The following CCDC149 variants were observed in gnomAD, a reference collection of about 807,000 sequenced individuals.
CCDC149 encodes coiled-coil domain containing 149.
Under a neutral mutation model 59.9 loss-of-function variants are expected in CCDC149, and 45 were observed. The observed-to-expected ratio is 0.75, with a 90% CI of 0.59 to 0.96. The LOEUF (loss-of-function observed/expected upper bound fraction) is 0.96. Ranked by LOEUF, CCDC149 falls within the 40% of genes least tolerant of loss-of-function variation. The probability of loss-of-function intolerance (pLI) is 0.00; values close to 1 mark genes in which losing one functional copy is unlikely to be tolerated. For synonymous variants in CCDC149, 245 were observed against 260.6 expected (o/e 0.94, Z 0.58); for missense variants, 584 against 664.7 (o/e 0.88, Z 1.33).
rs1264474368 is a variant in CCDC149, at chr4:24,807,833, A to T, written c.*556T>A. On this transcript the variant is annotated 3_prime_UTR_variant, in exon 13 of 13. Transcript: ENST00000635206. ...TCCAACTGCCAGTCTGTACCACGAC[A>T]GCAGTGCTGTGGGCACAATGCCAAG... 1 of 152,306 alleles carries T rather than the reference A, an allele frequency of 6.6e-6. No homozygotes were observed. Among genetic ancestry groups the T allele is most frequent in the Non-Finnish European group, 1.5e-5 (1 of 68,094 alleles). The allele number at this position is 152,306 out of a possible 1,614,324, so 9.4% of individuals were successfully genotyped here.
At chr4:24,899,749 AAAG>A (rs1181600741) in intron 1 of CCDC149, among the ~76,000 whole-genome samples, 1 of 152,124 alleles carries the variant, frequency 6.6e-6, no homozygotes, top group Non-Finnish European at 1.5e-5. Context: ...ACTTCTACTC[AAAG>A]GAGACTATTG....
chr4:24,820,349 A>C (rs1715312164), intron 11 of CCDC149, among the ~76,000 whole-genome samples: 2 of 152,142 alleles, frequency 1.3e-5, no homozygotes, highest in South Asian at 4.1e-4. Flanking sequence ...CAGTGCTCAA[A>C]AGGGTACCAA....
At chr4:24,878,281 G>A (rs927424224) in intron 1 of CCDC149, among the ~76,000 whole-genome samples, 9 of 150,636 alleles carry the variant, frequency 6.0e-5, no homozygotes, top group Admixed American at 2.0e-4. Context: ...GAAAGAAAAG[G>A]CATTCTGAGA....
intron 3 of CCDC149, among the ~76,000 whole-genome samples, chr4:24,859,874 T>A (rs1718265280): frequency 6.6e-6 from 1 of 152,144 alleles, no homozygotes; most frequent in Non-Finnish European, 1.5e-5. Context: ...TACTTTGAAA[T>A]ATGCCGAACC....
intron 1 of CCDC149, among the ~76,000 whole-genome samples, chr4:24,946,618 A>G (rs569826889): frequency 6.6e-6 from 1 of 152,204 alleles, no homozygotes; most frequent in African/African-American, 2.4e-5. Context: ...TGAGAAAATA[A>G]AATGTTGATT....
At chr4:24,868,929 T>C (rs994309235) in intron 3 of CCDC149, among the ~76,000 whole-genome samples, 4 of 152,208 alleles carry the variant, frequency 2.6e-5, no homozygotes, top group African/African-American at 9.6e-5. Flanking sequence ...ATTTTCTCCT[T>C]TATCAGATGG....
intron 4 of CCDC149, among the ~76,000 whole-genome samples, chr4:24,843,235 G>C (rs1717047851): frequency 6.6e-6 from 1 of 152,218 alleles, no homozygotes; most frequent in African/African-American, 2.4e-5. Flanking sequence ...ATTTGCCAGA[G>C]CTATCGAGAG....
chr4:24,903,868 T>C (rs1721322988), intron 1 of CCDC149, among the ~76,000 whole-genome samples: 1 of 151,580 alleles, frequency 6.6e-6, no homozygotes, highest in Non-Finnish European at 1.5e-5. Flanking sequence ...TGGCACGGTC[T>C]GGGCTCACTG....
At chr4:24,870,262 G>A (rs555850246) in intron 3 of CCDC149, among the ~76,000 whole-genome samples, 1 of 152,260 alleles carries the variant, frequency 6.6e-6, no homozygotes, top group South Asian at 2.1e-4. Context: ...AATGTACCGG[G>A]TGCCCTGTAT....
At chr4:24,841,271 A>T (rs1716918619) in intron 4 of CCDC149, among the ~76,000 whole-genome samples, 1 of 152,252 alleles carries the variant, frequency 6.6e-6, no homozygotes, top group Non-Finnish European at 1.5e-5. Context: ...ACTTTAAGTT[A>T]TAAAACACTG....
At chr4:24,910,790 C>A (rs1721827363) in intron 1 of CCDC149, among the ~76,000 whole-genome samples, 1 of 152,136 alleles carries the variant, frequency 6.6e-6, no homozygotes. Context: ...AGGCTCTGTG[C>A]AAGTTCCTTA....
chr4:24,970,078 C>G (rs1654277342), intron 1 of CCDC149, among the ~76,000 whole-genome samples: 1 of 152,168 alleles, frequency 6.6e-6, no homozygotes, highest in Admixed American at 6.5e-5. Context: ...GGCAAAAACC[C>G]TTGGTGGCTG....
At chr4:24,912,732 C>T (rs1721954790) in intron 1 of CCDC149, 85 bp downstream of exon 1, 1 of 1,003,628 alleles carries the variant, frequency 1.0e-6, no homozygotes, top group Non-Finnish European at 1.2e-6. Context: ...TCGTCCCTCC[C>T]AGCTCGGCCT....
intron 4 of CCDC149, among the ~76,000 whole-genome samples, chr4:24,847,489 G>A (rs973928288): frequency 2.0e-5 from 3 of 152,174 alleles, no homozygotes; most frequent in Non-Finnish European, 4.4e-5. Context: ...TACCATGGGA[G>A]CTAGTACCCT....
At chr4:24,886,881 C>T (rs564775408) in intron 1 of CCDC149, among the ~76,000 whole-genome samples, 95 of 152,054 alleles carry the variant, frequency 6.2e-4, no homozygotes, top group African/African-American at 2.2e-3. Flanking sequence ...CAGTGACACA[C>T]GAATGGAATA....
intron 1 of CCDC149, among the ~76,000 whole-genome samples, chr4:24,898,811 G>A (rs1174679450): frequency 1.3e-5 from 2 of 152,288 alleles, no homozygotes; most frequent in East Asian, 3.9e-4. Flanking sequence ...TGACATTTGA[G>A]CTGGGCTTTA....
intron 1 of CCDC149, among the ~76,000 whole-genome samples, chr4:24,933,425 T>G (rs1722652194): frequency 6.6e-6 from 1 of 152,210 alleles, no homozygotes; most frequent in African/African-American, 2.4e-5. Flanking sequence ...TAGAGAACTT[T>G]GATTTAAAAG....
chr4:24,876,394 G>A (rs1478490753), intron 2 of CCDC149, 142 bp downstream of exon 2: 26 of 755,844 alleles, frequency 3.4e-5, no homozygotes, highest in Non-Finnish European at 4.8e-5. Context: ...TGAGGAAATA[G>A]AGGTGGTGAC....
At chr4:24,946,572 G>C (rs1335699728) in intron 1 of CCDC149, among the ~76,000 whole-genome samples, 1 of 152,090 alleles carries the variant, frequency 6.6e-6, no homozygotes, top group Non-Finnish European at 1.5e-5. Context: ...CTTTTTGATT[G>C]ACTTTCCATT....
Sources: gnomAD v4.1 joint callset for allele counts (sites outside exome capture counted in the v4.1 genomes callset) on GRCh38, gnomAD v4.1.1 for gene constraint, MANE v1.5 for transcripts, NCBI Gene and HGNC (gene_info 2026-07-23, HGNC 2026-07-21) for gene names.